Variants in PDCD11 observed in about 807,000 individuals in gnomAD.
The protein encoded by PDCD11 is protein RRP5 homolog.
Under a neutral mutation model 198.9 loss-of-function variants are expected in PDCD11, and 97 were observed. The ratio of observed to expected loss-of-function variants is 0.49; its 90% CI spans 0.41 to 0.58. The LOEUF is 0.58. Ranked by LOEUF, PDCD11 falls within the 20% of genes least tolerant of loss-of-function variation. The pLI is 0.00. For synonymous variants in PDCD11, 893 were observed against 918.0 expected, an observed-to-expected ratio of 0.97 and a Z score of 0.49; for missense variants, 2,102 against 2,312.7, an observed-to-expected ratio of 0.91 and a Z score of 1.87.
At chr10:103,420,467 T>A (rs1160217847) in intron 16 of PDCD11, among the ~76,000 whole-genome samples, 1 of 152,168 alleles carries the variant, frequency 6.6e-6, no homozygotes, top group Non-Finnish European at 1.5e-5. Context: ...CACTTTCAGA[T>A]GGGAACAATC....
chr10:103,412,162 C>CTT (rs112740038), intron 8 of PDCD11, among the ~76,000 whole-genome samples: 1 of 139,108 alleles, frequency 7.2e-6, no homozygotes, highest in Middle Eastern at 3.5e-3. Context: ...GCTTGGCTAA[C>CTT]TTTTTTTTTT....
At chr10:103,406,136 T>C (rs755033050) in intron 6 of PDCD11, 28 bp downstream of exon 6, 9 of 1,611,882 alleles carry the variant, frequency 5.6e-6, no homozygotes, top group Non-Finnish European at 5.1e-6. Flanking sequence ...GGCCAGTACA[T>C]GGTGGTGAGG....
Position 103,409,783 on chromosome 10 carries a change from G to A in PDCD11, c.955G>A (p.Gly319Arg). Residue 319 changes from glycine (G) to arginine (R), a missense_variant, in exon 8 of 36, where the codon GGA (glycine) becomes AGA (arginine). Gly to Arg is a moderately radical substitution (Grantham distance 125). Coordinates refer to ENST00000369797, the MANE Select transcript of PDCD11 (RefSeq NM_014976.2). ...DFMHLDPKKA[G>R]TYFSNQAVRA... Reference sequence around the variant, plus strand: ...TATGCACCTGGATCCCAAGAAAGCTGGAACATATTTCTCAAATCAGGCAGT... The same window carrying A: ...TATGCACCTGGATCCCAAGAAAGCTAGAACATATTTCTCAAATCAGGCAGT... 1 of 1,613,436 alleles carries A rather than the reference G, an allele frequency of 6.2e-7. No homozygotes were observed. The highest frequency in any genetic ancestry group is 1.1e-5 in the South Asian group (1 of 91,068).
chr10:103,416,499 T>C lies in PDCD11; in HGVS notation c.1527T>C (p.Leu509=), dbSNP rs1387966632. The C allele has an allele frequency of 6.2e-7, 1 of 1,614,064 alleles. No individual in the cohort carries two copies. The highest frequency in any genetic ancestry group is 1.1e-5 in the South Asian group (1 of 91,068). The stretch of plus-strand genomic sequence containing the variant: ...CTGTGTCCCTCCCCTAGGTTTTGCT[T>C]TGTGACCCTGAAGCCAAGAAGCTGA... The part of the protein sequence containing the change: ...IGDEVKCRVL[L]CDPEAKKLMM... Residue 509 remains leucine, a synonymous_variant, in exon 13 of 36, where the codon CTT becomes CTC. Transcript: ENST00000369797.
In PDCD11 at chr10:103,440,789, T is replaced by C. The variant is rs998576650; in HGVS notation, c.4496T>C (p.Leu1499Pro). The C allele has an allele frequency of 1.2e-6, 2 of 1,613,992 alleles. No homozygotes were observed. Among genetic ancestry groups the C allele is most frequent in the Non-Finnish European group, 1.7e-6 (2 of 1,180,018 alleles). The change falls in exon 30 of 36, where the codon CTT (leucine) becomes CCT (proline). Residue 1499 changes from leucine to proline, a missense_variant. Physicochemically the swap from Leu to Pro is moderately conservative, Grantham distance 98 (BLOSUM62 -3). Transcript: ENST00000369797. ...GGCCTGTCAGAGGAGGACGACAGCC[T>C]TGTGGACGTGTACTATCGGGAGGGA... ...KAGLSEEDDS[L>P]VDVYYREGKE... is the part of the protein sequence containing the mutation.
In PDCD11 at chr10:103,409,912, G is replaced by C. The variant is rs142642350; in HGVS notation, c.978+106G>C. 1.6e-3 allele frequency: 1,246 copies of C among 776,016 alleles called. 12 individuals are homozygous for C. In the East Asian group the frequency reaches 0.02, roughly 12 times the overall value. The allele number at this position is 776,016 out of a possible 1,614,324, so 48.1% of individuals were successfully genotyped here. On this transcript the variant is annotated intron_variant, in intron 8 of 35. Transcript: ENST00000369797. ...GTCCTAGGACTGCATGCATACAGGT[G>C]TGCAGAGAGGAGATGAGAGGAATAA... is the stretch of plus-strand genomic sequence containing the variant.
At chr10:103,406,493 A>C in intron 6 of PDCD11, 116 bp from the exon 7 acceptor site, 3 of 840,098 alleles carry the variant, frequency 3.6e-6, no homozygotes, top group Non-Finnish European at 5.5e-6. Context: ...TTGGGGAGTA[A>C]CTGATGCTAA....
chr10:103,433,455 G>A (rs2032019882), intron 22 of PDCD11, among the ~76,000 whole-genome samples: 1 of 151,966 alleles, frequency 6.6e-6, no homozygotes, highest in Non-Finnish European at 1.5e-5. Context: ...CGAGATTGCC[G>A]CCACACACTC....
At chr10:103,418,722 T>C in intron 15 of PDCD11, 88 bp downstream of exon 15, 1 of 1,105,026 alleles carries the variant, frequency 9.0e-7, no homozygotes, top group Non-Finnish European at 1.3e-6. Flanking sequence ...AGACAGCTAT[T>C]TGACCTCAGA....
intron 16 of PDCD11, 33 bp from the exon 17 acceptor site, chr10:103,421,315 C>T (rs2031409600): frequency 6.5e-7 from 1 of 1,534,402 alleles, no homozygotes; most frequent in South Asian, 1.2e-5. Context: ...AAGACCTTTC[C>T]TCTTCTCATC....
intron 21 of PDCD11, among the ~76,000 whole-genome samples, chr10:103,431,743 A>G (rs1187671681): frequency 6.6e-6 from 1 of 152,230 alleles, no homozygotes; most frequent in African/African-American, 2.4e-5. Flanking sequence ...CAGTAGCATA[A>G]AATGGGCTTA....
At chr10:103,423,274 G>A in intron 18 of PDCD11, 137 bp downstream of exon 18, 2 of 863,194 alleles carry the variant, frequency 2.3e-6, no homozygotes, top group Non-Finnish European at 3.4e-6. Context: ...CCTATCTTGT[G>A]TGAATGCAAA....
Position 103,434,897 on chromosome 10 carries a change from G to A in PDCD11, c.3767G>A (p.Gly1256Glu). Residue 1256 changes from glycine to glutamate, a missense_variant, in exon 25 of 36, where the codon GGA becomes GAA. Coordinates refer to ENST00000369797, the MANE Select transcript of PDCD11 (RefSeq NM_014976.2). ...GTCTCCTTCCCCTTTGGGAAGATAGGAACAGTCAGTATATTTCACATGAGT... is the reference window on the plus strand; with the variant it reads ...GTCTCCTTCCCCTTTGGGAAGATAGAAACAGTCAGTATATTTCACATGAGT... The part of the protein sequence containing the change: ...LTVSFPFGKI[G>E]TVSIFHMSDS... The A allele has an allele frequency of 6.2e-7, 1 of 1,612,654 alleles. No homozygotes were observed. Among genetic ancestry groups the A allele is most frequent in the Non-Finnish European group, 8.5e-7 (1 of 1,179,386 alleles).
At chr10:103,443,793 G>T in intron 33 of PDCD11, 122 bp from the exon 34 acceptor site, 1 of 958,208 alleles carries the variant, frequency 1.0e-6, no homozygotes, top group East Asian at 2.4e-5. Context: ...CTAGCATTAG[G>T]CCCTGAGAGT....
intron 26 of PDCD11, 30 bp from the exon 27 acceptor site, chr10:103,438,656 G>C: frequency 6.2e-7 from 1 of 1,613,964 alleles, no homozygotes; most frequent in Non-Finnish European, 8.5e-7. Flanking sequence ...GGAGGTTAAA[G>C]GTGTGCATGT....
intron 17 of PDCD11, among the ~76,000 whole-genome samples, chr10:103,422,171 C>A (rs951942144): frequency 6.6e-5 from 10 of 150,500 alleles, no homozygotes; most frequent in Non-Finnish European, 1.3e-4. Flanking sequence ...ACTTCCACCC[C>A]CCAGGTTCAA....
At chr10:103,431,553 C>G (rs1482999249) in intron 21 of PDCD11, among the ~76,000 whole-genome samples, 1 of 151,326 alleles carries the variant, frequency 6.6e-6, no homozygotes, top group South Asian at 2.1e-4. Flanking sequence ...GATTGTGCCA[C>G]TGCACTCCAG....
chr10:103,409,719 G>A lies in PDCD11; in HGVS notation c.891G>A (p.Thr297=), dbSNP rs201307851. The A allele has an allele frequency of 6.3e-5, 102 of 1,613,828 alleles. 1 individual carries two copies. The highest frequency in any genetic ancestry group is 2.0e-4 in the African/African-American group (15 of 74,996). The part of the protein sequence containing the change: ...QVQKVTPFGL[T]LNFLTFFTGV... Reference sequence around the variant, plus strand: ...TCTAGGTGACTCCATTTGGCCTTACGCTAAACTTCCTCACATTCTTCACGG... The same window carrying A: ...TCTAGGTGACTCCATTTGGCCTTACACTAAACTTCCTCACATTCTTCACGG... Residue 297 remains threonine (T), a synonymous_variant, in exon 8 of 36, where the codon ACG becomes ACA. Transcript: ENST00000369797.
chr10:103,418,223 C>A (rs2031223004), intron 14 of PDCD11, among the ~76,000 whole-genome samples: 1 of 152,088 alleles, frequency 6.6e-6, no homozygotes, highest in African/African-American at 2.4e-5. Flanking sequence ...CGTGGAGGGA[C>A]TTGAGAGAGG....
Sources: gnomAD v4.1 joint callset for allele counts (sites outside exome capture counted in the v4.1 genomes callset) on GRCh38, gnomAD v4.1.1 for gene constraint, MANE v1.5 for transcripts, NCBI Gene and HGNC (gene_info 2026-07-23, HGNC 2026-07-21) for gene names.